Variants in FBXO36 observed in about 807,000 individuals in gnomAD.
FBXO36 encodes F-box only protein 36.
Under a neutral mutation model 17.0 loss-of-function variants are expected in FBXO36, and 18 were observed. That is an observed-to-expected ratio of 1.06 (90% confidence interval 0.73 to 1.57). The LOEUF (loss-of-function observed/expected upper bound fraction) is 1.57, where lower values mean the gene tolerates loss of function less well. Among genes scored for constraint, FBXO36 ranks in the 40% most tolerant of loss-of-function variants. The pLI, the probability that FBXO36 is intolerant of heterozygous loss-of-function variation, is 0.00. For synonymous variants in FBXO36, 83 were observed against 85.3 expected, an observed-to-expected ratio of 0.97 and a Z score of 0.15; for missense variants, 229 against 221.9, an observed-to-expected ratio of 1.03 and a Z score of -0.20.
At chr2:229,945,495 C>T (rs540053379) in intron 1 of FBXO36, among the ~76,000 whole-genome samples, 139 of 151,916 alleles carry the variant, frequency 9.1e-4, no homozygotes, top group African/African-American at 3.2e-3. Context: ...TTGATAGAGA[C>T]GCATTTCACC....
intron 1 of FBXO36, among the ~76,000 whole-genome samples, chr2:229,933,935 T>C (rs1231120084): frequency 6.6e-6 from 1 of 151,772 alleles, no homozygotes; most frequent in African/African-American, 2.4e-5. Context: ...ATCTGCCCGC[T>C]TTGGCCTCCC....
chr2:229,999,544 T>C (rs569971802), intron 3 of FBXO36, among the ~76,000 whole-genome samples: 7 of 149,600 alleles, frequency 4.7e-5, no homozygotes, highest in African/African-American at 1.2e-4. Context: ...CACACACACA[T>C]ATTTAATTTT....
At chr2:229,988,848 T>TTG (rs1560451754) in intron 2 of FBXO36, among the ~76,000 whole-genome samples, 11 of 150,332 alleles carry the variant, frequency 7.3e-5, no homozygotes, top group South Asian at 6.3e-4. Context: ...TTTTTTGTTT[T>TTG]TTTTTTTTTA....
chr2:229,940,186 G>C (rs138726852), intron 1 of FBXO36, among the ~76,000 whole-genome samples: 2 of 152,228 alleles, frequency 1.3e-5, no homozygotes, highest in Non-Finnish European at 2.9e-5. Flanking sequence ...AGTGGAGCTT[G>C]TTTAAGCTGT....
chr2:229,965,017 C>A (rs1422257815), intron 1 of FBXO36, among the ~76,000 whole-genome samples: 4 of 152,234 alleles, frequency 2.6e-5, no homozygotes, highest in African/African-American at 9.6e-5. Context: ...TAGAGTTTAT[C>A]AGTCTTTCTT....
intron 1 of FBXO36, among the ~76,000 whole-genome samples, chr2:229,938,639 C>A (rs956311241): frequency 1.3e-5 from 2 of 149,004 alleles, no homozygotes; most frequent in Non-Finnish European, 3.0e-5. Flanking sequence ...CACCCGCCAT[C>A]ATTCCCCACC....
chr2:229,958,216 A>T (rs1411834827), intron 1 of FBXO36, among the ~76,000 whole-genome samples: 3 of 135,990 alleles, frequency 2.2e-5, no homozygotes, highest in African/African-American at 5.7e-5. Flanking sequence ...GACCTTTACA[A>T]TTTTTTTTTG....
intron 1 of FBXO36, chr2:229,943,027 A>T (rs928433654): frequency 2.6e-5 from 4 of 152,188 alleles, no homozygotes; most frequent in Admixed American, 2.6e-4. Flanking sequence ...TAATGCAGAG[A>T]TGGGTCCACT....
intron 3 of FBXO36, among the ~76,000 whole-genome samples, chr2:229,998,327 T>C (rs2077338249): frequency 6.6e-6 from 1 of 151,962 alleles, no homozygotes; most frequent in Non-Finnish European, 1.5e-5. Flanking sequence ...TTTAAAAAAT[T>C]AGCTGAGTGT....
At chr2:229,998,668 G>A (rs2077340770) in intron 3 of FBXO36, among the ~76,000 whole-genome samples, 1 of 151,454 alleles carries the variant, frequency 6.6e-6, no homozygotes. Flanking sequence ...GCATGCCCCT[G>A]TAGTCCCAGT....
intron 1 of FBXO36, among the ~76,000 whole-genome samples, chr2:229,971,751 C>A (rs1323412368): frequency 6.6e-6 from 1 of 151,946 alleles, no homozygotes; most frequent in East Asian, 1.9e-4. Flanking sequence ...TGCAGTGGTA[C>A]AATCATGGCT....
At chr2:229,939,288 T>G in intron 1 of FBXO36, 2 of 984,444 alleles carry the variant, frequency 2.0e-6, no homozygotes, top group Non-Finnish European at 2.4e-6. Context: ...ACAATTTTTT[T>G]GCACATTTTC....
rs1037956831 is a variant in FBXO36, at chr2:229,931,125, C to G, written c.96+8516C>G. 6.7e-4 allele frequency among the ~76,000 whole-genome samples: 102 copies of G among 152,088 alleles called. 1 individual carries two copies. Among genetic ancestry groups the G allele is most frequent in the African/African-American group, 2.4e-3 (100 of 41,394 alleles). ...TTTTTAAGTGGCATATGGCACTTTT[C>G]TGAGGAGAGGGATGGCATGATCCAA... On this transcript the variant is annotated intron_variant, in intron 1 of 3. Transcript: ENST00000283946.
intron 2 of FBXO36, among the ~76,000 whole-genome samples, chr2:229,983,872 A>C (rs1435294915): frequency 6.6e-6 from 1 of 152,184 alleles, no homozygotes; most frequent in Admixed American, 6.5e-5. Flanking sequence ...GACTAATTGA[A>C]TGAAGTGCTT....
chr2:229,952,894 GA>G (rs1274689504), intron 1 of FBXO36, among the ~76,000 whole-genome samples: 2 of 152,214 alleles, frequency 1.3e-5, no homozygotes, highest in African/African-American at 4.8e-5. Flanking sequence ...CTATTCCTGA[GA>G]AACTTGGACT....
intron 1 of FBXO36, among the ~76,000 whole-genome samples, chr2:229,935,596 T>C (rs1485754565): frequency 6.6e-6 from 1 of 152,310 alleles, no homozygotes; most frequent in African/African-American, 2.4e-5. Flanking sequence ...ATGCTTTTTT[T>C]CTGAATTTGG....
Position 229,976,347 on chromosome 2 carries a change from A to G in FBXO36, c.203A>G (p.Gln68Arg), listed in dbSNP as rs371928808. Reference sequence around the variant, plus strand: ...GACTTCCTAGAGAATTCACATCTTCAAGGTAAGGAACGGAACATATTATAT... The same window carrying G: ...GACTTCCTAGAGAATTCACATCTTCGAGGTAAGGAACGGAACATATTATAT... ...HEDFLENSHL[Q>R]GQTALIFGAR... The change falls in exon 2 of 4, where the codon CAA becomes CGA. Residue 68 changes from glutamine (Q) to arginine (R), a missense_variant and splice_region_variant. Transcript: ENST00000283946. 2.5e-6 allele frequency: 4 copies of G among 1,606,066 alleles called. No individual in the cohort carries two copies. The highest frequency in any genetic ancestry group is 3.4e-6 in the Non-Finnish European group (4 of 1,172,904).
At chr2:229,957,217 A>G (rs951687682) in intron 1 of FBXO36, among the ~76,000 whole-genome samples, 8 of 152,244 alleles carry the variant, frequency 5.3e-5, no homozygotes, top group African/African-American at 1.2e-4. Flanking sequence ...GCAGGAAGAA[A>G]GGAAGCCACA....
chr2:229,981,032 A>G (rs1008287758), intron 2 of FBXO36, among the ~76,000 whole-genome samples: 2 of 152,144 alleles, frequency 1.3e-5, no homozygotes, highest in Admixed American at 1.3e-4. Context: ...AGGAGGGTTC[A>G]TGGTAGCACA....
Sources: gnomAD v4.1 joint callset for allele counts (sites outside exome capture counted in the v4.1 genomes callset) on GRCh38, gnomAD v4.1.1 for gene constraint, MANE v1.5 for transcripts, NCBI Gene and HGNC (gene_info 2026-07-23, HGNC 2026-07-21) for gene names.